Variants in MACROD2 observed in about 807,000 individuals in gnomAD.
The protein encoded by MACROD2 is ADP-ribose glycohydrolase MACROD2.
In MACROD2, 36 loss-of-function variants were observed where a neutral mutation model predicts 70.4. The ratio of observed to expected loss-of-function variants is 0.51; its 90% confidence interval spans 0.39 to 0.68. The LOEUF (loss-of-function observed/expected upper bound fraction) is 0.68, where lower values mean the gene tolerates loss of function less well. Among genes scored for constraint, MACROD2 ranks in the 30% least tolerant of loss-of-function variants. The pLI is 0.00. For synonymous variants in MACROD2, 172 were observed against 178.8 expected (o/e 0.96, Z 0.30); for missense variants, 496 against 538.4 (o/e 0.92, Z 0.78).
At chr20:15,363,383 A>G (rs1028358491) in intron 6 of MACROD2, among the ~76,000 whole-genome samples, 1 of 152,248 alleles carries the variant, frequency 6.6e-6, no homozygotes, top group African/African-American at 2.4e-5. Flanking sequence ...ACGTAAACCT[A>G]TGCATGGTGG....
intron 3 of MACROD2, among the ~76,000 whole-genome samples, chr20:14,237,465 T>G (rs2081886870): frequency 6.6e-6 from 1 of 151,766 alleles, no homozygotes; most frequent in African/African-American, 2.4e-5. Context: ...TCTTTTTTCT[T>G]TCCATATTGT....
intron 2 of MACROD2, among the ~76,000 whole-genome samples, chr20:14,084,078 C>CA (rs1569151520): frequency 2.7e-5 from 3 of 109,940 alleles, no homozygotes; most frequent in Admixed American, 1.2e-4. Flanking sequence ...AAACAAAAAA[C>CA]AAACAAAAAA....
chr20:14,493,570 T>C lies in MACROD2; in HGVS notation c.301+62T>C, dbSNP rs532768840. On this transcript the variant is annotated intron_variant, in intron 4 of 17. Coordinates refer to ENST00000684519, the MANE Select transcript of MACROD2 (RefSeq NM_001351661.2). ...TAATTGTTATACCAACTACAAGATA[T>C]TTAGTAAGTTCTGTGACACTTAAAA... The C allele has an allele frequency of 3.1e-5, 42 of 1,370,282 alleles. No homozygotes were observed. In the African/African-American group the frequency reaches 5.7e-4, roughly 19 times the overall value. The allele number at this position is 1,370,282 out of a possible 1,614,324, so 84.9% of individuals were successfully genotyped here. A position where few individuals can be genotyped will look rare whatever the true frequency, so the allele number is the denominator to read the frequency against.
In MACROD2 at chr20:15,462,264, T is replaced by G. The variant is rs372366029; in HGVS notation, c.571+30829T>G. On this transcript the variant is annotated intron_variant, in intron 7 of 17. Transcript: ENST00000684519. ...GTGAAATGTGAAGGCATGACTTGCA[T>G]ATGGACAGTATACACATTCATAGAT... Among the ~76,000 whole-genome samples the G allele has an allele frequency of 2.7e-4, 41 of 152,334 alleles. No individual in the cohort carries two copies. The East Asian group carries it at 2.9e-3, about 11-fold the overall frequency.
intron 3 of MACROD2, among the ~76,000 whole-genome samples, chr20:14,094,286 T>C (rs908890933): frequency 1.3e-5 from 2 of 152,186 alleles, no homozygotes; most frequent in Non-Finnish European, 2.9e-5. Context: ...GCAGTTTGAT[T>C]TGGAGTAACC....
chr20:15,449,061 T>G (rs893457339), intron 7 of MACROD2, among the ~76,000 whole-genome samples: 1 of 152,158 alleles, frequency 6.6e-6, no homozygotes, highest in Non-Finnish European at 1.5e-5. Context: ...TACTAATTGA[T>G]TTTTTATTCC....
At chr20:15,498,840 A>C (rs1399521889) in intron 7 of MACROD2, among the ~76,000 whole-genome samples, 1 of 152,260 alleles carries the variant, frequency 6.6e-6, no homozygotes, top group African/African-American at 2.4e-5. Flanking sequence ...TGAGAGGAGA[A>C]TAAAACATAA....
intron 2 of MACROD2, among the ~76,000 whole-genome samples, chr20:14,033,718 G>T (rs926634746): frequency 2.0e-5 from 3 of 152,156 alleles, no homozygotes; most frequent in Non-Finnish European, 4.4e-5. Context: ...TAGTATTCAT[G>T]TATGGATGTG....
intron 5 of MACROD2, among the ~76,000 whole-genome samples, chr20:14,813,257 G>C (rs1029641426): frequency 4.0e-5 from 6 of 151,382 alleles, no homozygotes; most frequent in Non-Finnish European, 3.0e-5. Flanking sequence ...GTAAATGTGG[G>C]CCATGGTGTT....
chr20:16,016,798 T>A (rs1467644670), intron 15 of MACROD2, among the ~76,000 whole-genome samples: 1 of 152,204 alleles, frequency 6.6e-6, no homozygotes, highest in African/African-American at 2.4e-5. Flanking sequence ...CATCTGCAAT[T>A]CTTAGTCTCC....
chr20:14,488,169 T>C (rs1457297667), intron 3 of MACROD2, among the ~76,000 whole-genome samples: 1 of 152,232 alleles, frequency 6.6e-6, no homozygotes, highest in African/African-American at 2.4e-5. Context: ...AAAACCTTTC[T>C]TGTCAAAGAC....
intron 5 of MACROD2, among the ~76,000 whole-genome samples, chr20:14,744,336 G>T (rs2071772115): frequency 6.6e-6 from 1 of 152,096 alleles, no homozygotes; most frequent in Non-Finnish European, 1.5e-5. Context: ...TTTTTTAATT[G>T]ACGTATAAAA....
At chr20:15,164,745 A>T (rs1038871297) in intron 5 of MACROD2, among the ~76,000 whole-genome samples, 7 of 152,040 alleles carry the variant, frequency 4.6e-5, no homozygotes, top group African/African-American at 1.4e-4. Context: ...AAAATAATTT[A>T]AAAAAGTTAG....
At chr20:14,747,293 G>C (rs920378700) in intron 5 of MACROD2, among the ~76,000 whole-genome samples, 1 of 152,114 alleles carries the variant, frequency 6.6e-6, no homozygotes, top group African/African-American at 2.4e-5. Flanking sequence ...TTTGGGCCAG[G>C]GGTTGGGGGT....
At chr20:14,805,405 G>A (rs2072627054) in intron 5 of MACROD2, among the ~76,000 whole-genome samples, 1 of 151,884 alleles carries the variant, frequency 6.6e-6, no homozygotes, top group African/African-American at 2.4e-5. Context: ...TTTTTCCCCA[G>A]TTTTGTATTT....
intron 5 of MACROD2, among the ~76,000 whole-genome samples, chr20:14,827,560 A>G (rs1003697622): frequency 6.6e-6 from 1 of 152,026 alleles, no homozygotes; most frequent in Non-Finnish European, 1.5e-5. Flanking sequence ...AGCTCATGCC[A>G]TTGACCCCAG....
intron 6 of MACROD2, among the ~76,000 whole-genome samples, chr20:15,320,040 C>T (rs1442389909): frequency 6.6e-6 from 1 of 152,112 alleles, no homozygotes; most frequent in Non-Finnish European, 1.5e-5. Context: ...GAAACCCCAT[C>T]TCTACTAAAA....
intron 13 of MACROD2, among the ~76,000 whole-genome samples, chr20:15,984,690 G>A (rs6034340): frequency 6.2e-5 from 9 of 145,606 alleles, no homozygotes; most frequent in African/African-American, 2.3e-4. Context: ...GGACTAGACT[G>A]TCTAAGGCCA....
intron 3 of MACROD2, among the ~76,000 whole-genome samples, chr20:14,342,105 A>G (rs550536953): frequency 2.1e-4 from 32 of 152,142 alleles, no homozygotes; most frequent in Non-Finnish European, 4.0e-4. Context: ...AACCTATTAC[A>G]TGGGTGGGGA....
Sources: gnomAD v4.1 joint callset for allele counts (sites outside exome capture counted in the v4.1 genomes callset) on GRCh38, gnomAD v4.1.1 for gene constraint, MANE v1.5 for transcripts, NCBI Gene and HGNC (gene_info 2026-07-23, HGNC 2026-07-21) for gene names.